The following HLA-DOB variants were observed in gnomAD, a reference collection of about 807,000 sequenced individuals.
HLA-DOB encodes major histocompatibility complex, class II, DO beta, also known as HLA class II histocompatibility antigen, DO beta chain.
Under a neutral mutation model 27.7 loss-of-function variants are expected in HLA-DOB, and 25 were observed. That is an observed-to-expected ratio of 0.90 (90% confidence interval 0.66 to 1.26). HLA-DOB has a LOEUF of 1.26. HLA-DOB is among the 50% of genes most tolerant of loss of function. The pLI is 0.00. For missense variants in HLA-DOB, 306 were observed against 324.9 expected, an observed-to-expected ratio of 0.94 and a Z score of 0.45; for synonymous variants, 137 against 125.6, an observed-to-expected ratio of 1.09 and a Z score of -0.61.
At chr6:32,814,137 G>A (rs919325756) in intron 3 of HLA-DOB, 183 bp downstream of exon 3, 5 of 624,720 alleles carry the variant, frequency 8.0e-6, no homozygotes, top group African/African-American at 1.8e-5. Context: ...AAGATATGAG[G>A]ATAGATATCT....
In HLA-DOB at chr6:32,816,899, C is replaced by A. The variant is rs2071554; in HGVS notation, c.53G>T (p.Arg18Leu). The A allele has an allele frequency of 1.9e-6, 3 of 1,612,770 alleles. No individual in the cohort carries two copies. Among genetic ancestry groups the A allele is most frequent in the South Asian group, 1.1e-5 (1 of 91,058 alleles). The stretch of plus-strand genomic sequence containing the variant: ...GCCTTGAGTCATGGAGGAATCCAGT[C>A]GGGTCAGATTCACTAGCAGAGCCAC... Reference protein sequence around the residue: ...WVVALLVNLTRLDSSMTQGTD... With the variant: ...WVVALLVNLTLLDSSMTQGTD... Residue 18 changes from arginine to leucine, a missense_variant, in exon 1 of 6, where the codon CGA becomes CTA. Coordinates refer to ENST00000438763, the MANE Select transcript of HLA-DOB (RefSeq NM_002120.4).
chr6:32,813,993 G>A (rs781231862), intron 3 of HLA-DOB, 160 bp from the exon 4 acceptor site: 27 of 631,234 alleles, frequency 4.3e-5, no homozygotes, highest in Non-Finnish European at 7.2e-5. Flanking sequence ...CACCCATGGA[G>A]TTACCCCCCA....
intron 3 of HLA-DOB, 40 bp downstream of exon 3, chr6:32,814,272 AGTATAGTC>A: frequency 6.5e-7 from 1 of 1,537,474 alleles, no homozygotes; most frequent in Admixed American, 1.7e-5. Context: ...GTATTGAGTC[AGTATAGTC>A]CTGAGTCAGG....
At position 32,813,251 on chromosome 6, in the gene HLA-DOB, C is replaced by G; in HGVS notation, c.787G>C (p.Val263Leu). ...YVRTQMSGNE[V>L]SRAVLLPQSC ...TGAGGGAGCAGAACAGCTCTTGAGA[C>G]CTGGAGGCACAGTGATGAAGGTCTC... The change falls in exon 6 of 6, where the codon GTC becomes CTC. Residue 263 changes from valine (V) to leucine (L), a missense_variant and splice_region_variant. By Grantham distance (32) the Val-to-Leu change is conservative. Coordinates refer to ENST00000438763, the MANE Select transcript of HLA-DOB (RefSeq NM_002120.4). The G allele has an allele frequency of 1.9e-6, 3 of 1,613,020 alleles. No individual in the cohort carries two copies. Among genetic ancestry groups the G allele is most frequent in the Non-Finnish European group, 2.5e-6 (3 of 1,179,982 alleles).
intron 3 of HLA-DOB, 131 bp from the exon 4 acceptor site, chr6:32,813,964 T>C (rs1767908888): frequency 1.4e-6 from 1 of 699,540 alleles, no homozygotes; most frequent in Non-Finnish European, 2.4e-6. Context: ...TAGAAAAGGT[T>C]CTTCGAAACC....
chr6:32,815,244 AC>A lies in HLA-DOB; in HGVS notation c.160del (p.Val54SerfsTer23). 6.2e-7 allele frequency: 1 copy of A among 1,614,224 alleles called. No homozygotes were observed. Among genetic ancestry groups the A allele is most frequent in the South Asian group, 1.1e-5 (1 of 91,082 alleles). On this transcript the variant is annotated frameshift_variant, in exon 2 of 6. Coordinates refer to ENST00000438763, the MANE Select transcript of HLA-DOB (RefSeq NM_002120.4). LOFTEE classifies it high-confidence loss of function. ...TNGTEKVQFV[V>X]RFIFNLEEYV... Reference sequence around the variant, plus strand: ...CTCCTCCAAGTTAAAGATGAATCTGACCACAAACTGCACCTTTTCTGTCCCG... The same window carrying A: ...CTCCTCCAAGTTAAAGATGAATCTGACACAAACTGCACCTTTTCTGTCCCG...
In HLA-DOB at chr6:32,813,448, C is replaced by T; in HGVS notation, c.778G>A (p.Gly260Ser). Residue 260 changes from glycine to serine, a missense_variant, in exon 5 of 6, where the codon GGT becomes AGT. Coordinates refer to ENST00000438763, the MANE Select transcript of HLA-DOB (RefSeq NM_002120.4). Reference sequence around the variant, plus strand: ...GGAAAAAGAGACATTACCTCATTACCAGACATCTGCGTCCTCACATATCCT... The same window carrying T: ...GGAAAAAGAGACATTACCTCATTACTAGACATCTGCGTCCTCACATATCCT... ...QKGYVRTQMS[G>S]NEVSRAVLLP... The T allele has an allele frequency of 6.2e-7, 1 of 1,613,124 alleles. No homozygotes were observed. The highest frequency in any genetic ancestry group is 8.5e-7 in the Non-Finnish European group (1 of 1,179,974).
At position 32,815,404 on chromosome 6, in the gene HLA-DOB, G is replaced by A; in HGVS notation, c.92-91C>T. ...TACGTCAGACCACATGGATCTAAGA[G>A]GAGGCCTTTGACCTCAGTATGCTCA... On this transcript the variant is annotated intron_variant, in intron 1 of 5. Coordinates refer to ENST00000438763, the MANE Select transcript of HLA-DOB (RefSeq NM_002120.4). 4 of 1,408,138 alleles carry A rather than the reference G, an allele frequency of 2.8e-6. No homozygotes were observed. In the South Asian group the frequency reaches 3.7e-5, roughly 13 times the overall value. The allele number at this position is 1,408,138 out of a possible 1,614,324, so 87.2% of individuals were successfully genotyped here. A position where few individuals can be genotyped will look rare whatever the true frequency, so the allele number is the denominator to read the frequency against.
Position 32,812,856 on chromosome 6 carries a change from G to C in HLA-DOB, c.*360C>G, listed in dbSNP as rs1248610209. 1 of 281,890 alleles carries C rather than the reference G, an allele frequency of 3.5e-6. No individual in the cohort carries two copies. The highest frequency in any genetic ancestry group is 2.2e-5 in the African/African-American group (1 of 46,060). The allele number at this position is 281,890 out of a possible 1,614,324, so 17.5% of individuals were successfully genotyped here. On this transcript the variant is annotated 3_prime_UTR_variant, in exon 6 of 6. Transcript: ENST00000438763. The stretch of plus-strand genomic sequence containing the variant: ...ACTACCTGAGCATTTGTCTTCTGAA[G>C]ACTGTGGAGACTGCAGTTGGAAGAC...
chr6:32,816,350 C>G (rs747487488), intron 1 of HLA-DOB, among the ~76,000 whole-genome samples: 5 of 152,330 alleles, frequency 3.3e-5, no homozygotes, highest in Middle Eastern at 3.4e-3. Context: ...TTCTATTCAA[C>G]TTCTCTTACT....
In HLA-DOB at chr6:32,815,267, C is replaced by T. The variant is rs1160597456; in HGVS notation, c.138G>A (p.Gly46=). The change falls in exon 2 of 6, where the codon GGG becomes GGA. Residue 46 remains glycine, a synonymous_variant. Coordinates refer to ENST00000438763, the MANE Select transcript of HLA-DOB (RefSeq NM_002120.4). ...TGACCACAAACTGCACCTTTTCTGT[C>T]CCGTTGGTGAAGTAACAGTCAGCCT... is the stretch of plus-strand genomic sequence containing the variant. ...QAKADCYFTN[G]TEKVQFVVRF... The T allele has an allele frequency of 6.2e-7, 1 of 1,614,222 alleles. No individual in the cohort carries two copies. The highest frequency in any genetic ancestry group is 1.7e-5 in the Admixed American group (1 of 60,016).
At chr6:32,813,337 G>T in intron 5 of HLA-DOB, 86 bp from the exon 6 acceptor site, 1 of 1,590,766 alleles carries the variant, frequency 6.3e-7, no homozygotes, top group Non-Finnish European at 8.6e-7. Context: ...GTCCCATCCA[G>T]ACAGCAGCAA....
intron 5 of HLA-DOB, 83 bp from the exon 6 acceptor site, chr6:32,813,334 C>T: frequency 6.3e-7 from 1 of 1,592,278 alleles, no homozygotes; most frequent in Non-Finnish European, 8.6e-7. Flanking sequence ...ACAGTCCCAT[C>T]CAGACAGCAG....
intron 1 of HLA-DOB, 32 bp from the exon 2 acceptor site, chr6:32,815,345 C>G (rs748136026): frequency 6.2e-7 from 1 of 1,612,144 alleles, no homozygotes; most frequent in Non-Finnish European, 8.5e-7. Flanking sequence ...CATGAACCAG[C>G]CCCCTCCTCT....
Position 32,813,717 on chromosome 6 carries a change from C to T in HLA-DOB, c.754+6G>A. 1.3e-6 allele frequency: 2 copies of T among 1,536,098 alleles called. No individual in the cohort carries two copies. The highest frequency in any genetic ancestry group is 1.8e-6 in the Non-Finnish European group (2 of 1,131,358). Reference sequence around the variant, plus strand: ...GGTGGCAGGGCACTCCTCACAGGCTCATTACCTTTCTGAGCCCTTAGCTGG... The same window carrying T: ...GGTGGCAGGGCACTCCTCACAGGCTTATTACCTTTCTGAGCCCTTAGCTGG... On this transcript the variant is annotated splice_donor_region_variant and intron_variant, in intron 4 of 5. Transcript: ENST00000438763.
In HLA-DOB at chr6:32,813,154, C is replaced by G. The variant is rs200674755; in HGVS notation, c.*62G>C. 6.8e-7 allele frequency: 1 copy of G among 1,474,030 alleles called. No individual in the cohort carries two copies. The highest frequency in any genetic ancestry group is 9.5e-7 in the Non-Finnish European group (1 of 1,053,062). 91.3% of individuals were successfully genotyped at this position (1,474,030 alleles called of 1,614,324 possible). ...GACCTCATGAATGTCCTTTACCTCACCCAGGGCCCAGACTACTCATCACTA... is the reference window on the plus strand; with the variant it reads ...GACCTCATGAATGTCCTTTACCTCAGCCAGGGCCCAGACTACTCATCACTA... On this transcript the variant is annotated 3_prime_UTR_variant, in exon 6 of 6. Coordinates refer to ENST00000438763, the MANE Select transcript of HLA-DOB (RefSeq NM_002120.4).
chr6:32,813,394 C>A (rs775964447), intron 5 of HLA-DOB, 46 bp downstream of exon 5: 8 of 1,605,994 alleles, frequency 5.0e-6, no homozygotes, highest in Non-Finnish European at 6.8e-6. Flanking sequence ...GCCAAAGAAC[C>A]GGGAGAATGA....
chr6:32,815,212 G>A lies in HLA-DOB; in HGVS notation c.193C>T (p.Arg65Cys), dbSNP rs147835586. The A allele has an allele frequency of 9.3e-6, 15 of 1,614,144 alleles. No homozygotes were observed. Among genetic ancestry groups the A allele is most frequent in the Admixed American group, 8.3e-5 (5 of 60,024 alleles). Residue 65 changes from arginine to cysteine, a missense_variant, in exon 2 of 6, where the codon CGT becomes TGT. Transcript: ENST00000438763. ...AACATCCCCACATCACTGTCGAAAC[G>A]TACATACTCCTCCAAGTTAAAGATG... ...RFIFNLEEYVRFDSDVGMFVA... is the reference protein window; with the variant it reads ...RFIFNLEEYVCFDSDVGMFVA...
At position 32,812,972 on chromosome 6, in the gene HLA-DOB, A is replaced by G. The variant is rs777426803; in HGVS notation, c.*244T>C. ...GCTGGAAGGAGTAAGGTCTCAGGGG[A>G]GTTTCTGGACAATGCCCTTGGCAAT... On this transcript the variant is annotated 3_prime_UTR_variant, in exon 6 of 6. Transcript: ENST00000438763. The G allele has an allele frequency of 3.5e-6, 2 of 578,652 alleles. No individual in the cohort carries two copies. Among genetic ancestry groups the G allele is most frequent in the Non-Finnish European group, 6.2e-6 (2 of 324,756 alleles). The allele number at this position is 578,652 out of a possible 1,614,324, so 35.8% of individuals were successfully genotyped here.
Sources: gnomAD v4.1 joint callset for allele counts (sites outside exome capture counted in the v4.1 genomes callset) on GRCh38, gnomAD v4.1.1 for gene constraint, MANE v1.5 for transcripts, NCBI Gene and HGNC (gene_info 2026-07-23, HGNC 2026-07-21) for gene names.